Variants in WWTR1 observed in about 807,000 individuals in gnomAD.
WWTR1 encodes the protein WW domain-containing transcription regulator protein 1.
WWTR1 carries 13 observed loss-of-function variants against 40.1 expected under a neutral mutation model. The observed-to-expected ratio is 0.32, with a 90% CI of 0.21 to 0.52. WWTR1 has a LOEUF of 0.52. Among genes scored for constraint, WWTR1 ranks in the 20% least tolerant of loss-of-function variants. WWTR1 has a pLI of 0.97. For synonymous variants in WWTR1, 230 were observed against 210.1 expected, an observed-to-expected ratio of 1.09 and a Z score of -0.82; for missense variants, 436 against 523.1, an observed-to-expected ratio of 0.83 and a Z score of 1.63.
chr3:149,559,788 C>T (rs577798657), intron 3 of WWTR1, among the ~76,000 whole-genome samples: 1 of 152,324 alleles, frequency 6.6e-6, no homozygotes, highest in African/African-American at 2.4e-5. Context: ...CAGCTGCAAT[C>T]TGTGCTACAT....
intron 2 of WWTR1, among the ~76,000 whole-genome samples, chr3:149,606,692 T>C (rs1739503637): frequency 6.6e-6 from 1 of 152,142 alleles, no homozygotes; most frequent in African/African-American, 2.4e-5. Context: ...TGTCAGATAA[T>C]GACATAAACA....
chr3:149,694,068 G>C (rs946440248), intron 1 of WWTR1, among the ~76,000 whole-genome samples: 2 of 152,148 alleles, frequency 1.3e-5, no homozygotes, highest in African/African-American at 4.8e-5. Context: ...AAAGCGAAGT[G>C]GGAGAAAATA....
intron 3 of WWTR1, among the ~76,000 whole-genome samples, chr3:149,548,970 G>A (rs1736494763): frequency 6.6e-6 from 1 of 152,116 alleles, no homozygotes; most frequent in African/African-American, 2.4e-5. Context: ...CAATAATAGG[G>A]AGTTTTCACA....
At chr3:149,602,141 A>T (rs1739274087) in intron 2 of WWTR1, among the ~76,000 whole-genome samples, 1 of 152,204 alleles carries the variant, frequency 6.6e-6, no homozygotes, top group Non-Finnish European at 1.5e-5. Flanking sequence ...GGGGAAAATG[A>T]GGAAACAATA....
At chr3:149,543,597 A>AAAAAAAAAAAAAAAAAG (rs1736234823) in intron 3 of WWTR1, among the ~76,000 whole-genome samples, 1 of 146,546 alleles carries the variant, frequency 6.8e-6, no homozygotes, top group Non-Finnish European at 1.5e-5. Context: ...AAAAAAAAAA[A>AAAAAAAAAAAAAAAAAG]AAAAAAGAAC....
At chr3:149,530,409 T>C (rs767506313) in intron 4 of WWTR1, among the ~76,000 whole-genome samples, 9 of 151,990 alleles carry the variant, frequency 5.9e-5, no homozygotes, top group African/African-American at 2.2e-4. Flanking sequence ...AATTTATATA[T>C]GGTAAGAATC....
At chr3:149,551,508 T>C (rs1307863178) in intron 3 of WWTR1, among the ~76,000 whole-genome samples, 2 of 145,530 alleles carry the variant, frequency 1.4e-5, no homozygotes, top group Non-Finnish European at 3.0e-5. Flanking sequence ...TCAGAAACAC[T>C]TTCCAGGAAC....
intron 1 of WWTR1, among the ~76,000 whole-genome samples, chr3:149,686,700 C>T (rs901035015): frequency 2.0e-5 from 3 of 152,078 alleles, no homozygotes; most frequent in South Asian, 2.1e-4. Context: ...AGGATTTACC[C>T]CTGAGCTAGG....
At chr3:149,524,664 A>T (rs1250465146) in intron 6 of WWTR1, among the ~76,000 whole-genome samples, 1 of 152,114 alleles carries the variant, frequency 6.6e-6, no homozygotes, top group Admixed American at 6.5e-5. Flanking sequence ...AAAGATGACA[A>T]CCTACACGAA....
intron 2 of WWTR1, among the ~76,000 whole-genome samples, chr3:149,589,047 G>A (rs746321884): frequency 3.9e-5 from 6 of 152,170 alleles, no homozygotes; most frequent in Non-Finnish European, 7.4e-5. Context: ...GTTTGAGTGA[G>A]CGGGAGAATC....
intron 1 of WWTR1, among the ~76,000 whole-genome samples, chr3:149,698,020 C>T (rs1212961325): frequency 6.6e-6 from 1 of 152,232 alleles, no homozygotes; most frequent in Non-Finnish European, 1.5e-5. Flanking sequence ...AGCAGCCTTG[C>T]CCACATGGCT....
chr3:149,609,741 T>G (rs72997956), intron 2 of WWTR1, among the ~76,000 whole-genome samples: 3,713 of 152,288 alleles, frequency 0.024, 126 homozygotes, highest in African/African-American at 0.079. Flanking sequence ...AGTTTCACCT[T>G]CAAAAGAGCC....
intron 5 of WWTR1, among the ~76,000 whole-genome samples, chr3:149,714,967 A>G (rs1715568820): frequency 6.6e-6 from 1 of 152,172 alleles, no homozygotes; most frequent in Non-Finnish European, 1.5e-5. Flanking sequence ...TGGGAGGACT[A>G]GCTGCAGAGA....
At chr3:149,610,605 A>G (rs749579439) in intron 2 of WWTR1, among the ~76,000 whole-genome samples, 4 of 152,224 alleles carry the variant, frequency 2.6e-5, no homozygotes, top group Non-Finnish European at 5.9e-5. Context: ...GTGGCTGAGG[A>G]AGACAGAGAA....
chr3:149,543,170 A>T (rs144500517), intron 3 of WWTR1, among the ~76,000 whole-genome samples: 1 of 152,388 alleles, frequency 6.6e-6, no homozygotes, highest in East Asian at 1.9e-4. Context: ...AGTGAGAAAG[A>T]AATTATGCAG....
chr3:149,520,767 G>A lies in WWTR1; in HGVS notation c.*38C>T. The A allele has an allele frequency of 1.4e-6, 2 of 1,479,386 alleles. No individual in the cohort carries two copies. The highest frequency in any genetic ancestry group is 1.8e-6 in the Non-Finnish European group (2 of 1,115,620). 91.6% of individuals were successfully genotyped at this position (1,479,386 alleles called of 1,614,324 possible). On this transcript the variant is annotated 3_prime_UTR_variant, in exon 7 of 7. Transcript: ENST00000360632. Reference sequence around the variant, plus strand: ...ACTTTTTCCAAGAGGCCCAGGAAATGTAAGGTCATGGCTACATCCAAGTTA... The same window carrying A: ...ACTTTTTCCAAGAGGCCCAGGAAATATAAGGTCATGGCTACATCCAAGTTA...
Position 149,572,979 on chromosome 3 carries a change from T to G in WWTR1, c.453A>C (p.Thr151=). The change falls in exon 3 of 7, where the codon ACA becomes ACC. Residue 151 remains threonine (T), a synonymous_variant. Transcript: ENST00000360632. ...TCATCGCCTTCCTAGGGTCTTGCCA[T>G]GTGGTGATTTTTTCTATGTGACTAA... The part of the protein sequence containing the change: ...YFLNHIEKIT[T]WQDPRKAMNQ... 1 of 1,592,984 alleles carries G rather than the reference T, an allele frequency of 6.3e-7. No individual in the cohort carries two copies. Among genetic ancestry groups the G allele is most frequent in the Non-Finnish European group, 8.5e-7 (1 of 1,174,842 alleles).
chr3:149,616,032 T>C (rs768999784), intron 2 of WWTR1, among the ~76,000 whole-genome samples: 2 of 152,084 alleles, frequency 1.3e-5, no homozygotes, highest in Non-Finnish European at 2.9e-5. Flanking sequence ...CGTCCCTGAG[T>C]CAATATCCTC....
At chr3:149,701,498 C>T (rs1715171183) in intron 1 of WWTR1, 1 of 183,648 alleles carries the variant, frequency 5.4e-6, no homozygotes, top group Non-Finnish European at 1.2e-5. Context: ...TCCTGCTGAT[C>T]CTCCCAGCAA....
Sources: gnomAD v4.1 joint callset for allele counts (sites outside exome capture counted in the v4.1 genomes callset) on GRCh38, gnomAD v4.1.1 for gene constraint, MANE v1.5 for transcripts, NCBI Gene and HGNC (gene_info 2026-07-23, HGNC 2026-07-21) for gene names.